SLIT2: variants seen among roughly 807,000 people sequenced by gnomAD.
SLIT2 encodes the protein slit homolog 2 protein.
In SLIT2, 41 loss-of-function variants were observed where a neutral mutation model predicts 185.7. The observed-to-expected ratio is 0.22, with a 90% CI of 0.17 to 0.29. The LOEUF (loss-of-function observed/expected upper bound fraction) is 0.29. Ranked by LOEUF, SLIT2 falls within the 10% of genes least tolerant of loss-of-function variation. SLIT2 has a pLI of 1.00. For missense variants in SLIT2, 1,571 were observed against 1,909.0 expected, an observed-to-expected ratio of 0.82 and a Z score of 3.30; for synonymous variants, 693 against 680.2, an observed-to-expected ratio of 1.02 and a Z score of -0.29.
At chr4:20,340,998 T>G (rs1720920687) in intron 4 of SLIT2, among the ~76,000 whole-genome samples, 1 of 152,060 alleles carries the variant, frequency 6.6e-6, no homozygotes, top group Non-Finnish European at 1.5e-5. Flanking sequence ...CAATTTCAAA[T>G]AGATAGCTAG....
chr4:20,277,268 T>C (rs1468820302), intron 4 of SLIT2, among the ~76,000 whole-genome samples: 2 of 152,188 alleles, frequency 1.3e-5, no homozygotes, highest in Non-Finnish European at 2.9e-5. Context: ...GAGGTTTTAA[T>C]ATCCAAGTTT....
At position 20,472,397 on chromosome 4, in the gene SLIT2, G is replaced by GATATCT. The variant is rs1266399454; in HGVS notation, c.467+4578_467+4579insCTATAT. On this transcript the variant is annotated intron_variant, in intron 5 of 36. Transcript: ENST00000504154. ...ATATCTATATATATGTAGATATATA[G>GATATCT]ATATAGATATCTATATATCTATATA... Among the ~76,000 whole-genome samples the GATATCT allele has an allele frequency of 5.7e-3, 127 of 22,332 alleles. 1 individual carries two copies. Among genetic ancestry groups the GATATCT allele is most frequent in the Middle Eastern group, 0.045 (1 of 22 alleles). 14.7% of individuals were successfully genotyped at this position (22,332 alleles called of 152,430 possible). A position where few individuals can be genotyped will look rare whatever the true frequency, so the allele number is the denominator to read the frequency against.
intron 14 of SLIT2, among the ~76,000 whole-genome samples, chr4:20,524,483 C>T (rs562964141): frequency 7.2e-5 from 11 of 152,274 alleles, no homozygotes; most frequent in African/African-American, 2.6e-4. Context: ...ACTCAGAATA[C>T]CTTTAAAGTA....
At chr4:20,354,480 C>G (rs960506574) in intron 4 of SLIT2, among the ~76,000 whole-genome samples, 1 of 152,160 alleles carries the variant, frequency 6.6e-6, no homozygotes, top group Admixed American at 6.6e-5. Context: ...GCACAAAATT[C>G]TCATCCAACT....
At chr4:20,472,386 G>GAGATATAGATATATATCTATATA (rs1560453735) in intron 5 of SLIT2, among the ~76,000 whole-genome samples, 5 of 38,402 alleles carry the variant, frequency 1.3e-4, no homozygotes, top group Non-Finnish European at 1.9e-4. Context: ...CTATATATAT[G>GAGATATAGATATATATCTATATA]TAGATATATA....
intron 33 of SLIT2, among the ~76,000 whole-genome samples, chr4:20,600,152 A>T (rs1027504881): frequency 4.6e-5 from 7 of 151,306 alleles, no homozygotes; most frequent in Admixed American, 2.0e-4. Flanking sequence ...ATTTTTTTTA[A>T]TTTTTTTTTA....
intron 4 of SLIT2, among the ~76,000 whole-genome samples, chr4:20,394,089 T>G (rs1368623977): frequency 6.6e-6 from 1 of 151,910 alleles, no homozygotes; most frequent in Non-Finnish European, 1.5e-5. Flanking sequence ...TAAAAGAATA[T>G]TTGGTGGCTG....
At chr4:20,447,018 A>T (rs1185234064) in intron 4 of SLIT2, among the ~76,000 whole-genome samples, 3 of 152,198 alleles carry the variant, frequency 2.0e-5, no homozygotes, top group Non-Finnish European at 4.4e-5. Context: ...CTATATGTGG[A>T]TTGTGAGCAG....
Position 20,620,517 on chromosome 4 carries a change from T to A in SLIT2, c.*1508T>A, listed in dbSNP as rs1387510670. On this transcript the variant is annotated 3_prime_UTR_variant, in exon 37 of 37. Coordinates refer to ENST00000504154, the MANE Select transcript of SLIT2 (RefSeq NM_004787.4). ...TGTCTTTCTCCAGATTAATATCGGT[T>A]ACACTGCTGATGTTTGTAAATTAAA... 1 of 417,744 alleles carries A rather than the reference T, an allele frequency of 2.4e-6. No individual in the cohort carries two copies. Among genetic ancestry groups the A allele is most frequent in the Non-Finnish European group, 4.7e-6 (1 of 213,012 alleles). The allele number at this position is 417,744 out of a possible 1,614,324, so 25.9% of individuals were successfully genotyped here. A position where few individuals can be genotyped will look rare whatever the true frequency, so the allele number is the denominator to read the frequency against.
At chr4:20,540,871 G>A (rs1214752421) in intron 19 of SLIT2, among the ~76,000 whole-genome samples, 1 of 152,170 alleles carries the variant, frequency 6.6e-6, no homozygotes, top group Non-Finnish European at 1.5e-5. Context: ...TGCTGAAGTG[G>A]TGAGATGCCA....
intron 4 of SLIT2, among the ~76,000 whole-genome samples, chr4:20,339,638 C>T (rs868758809): frequency 8.5e-5 from 13 of 152,100 alleles, no homozygotes; most frequent in Non-Finnish European, 1.5e-4. Context: ...TTCTAGGTAG[C>T]ACAAGGGATT....
At chr4:20,309,754 CTTTCTTT>C (rs1717912350) in intron 4 of SLIT2, among the ~76,000 whole-genome samples, 1 of 92,760 alleles carries the variant, frequency 1.1e-5, no homozygotes, top group African/African-American at 4.3e-5. Flanking sequence ...TCTAGTCTTT[CTTTCTTT>C]TTTTTTTTTT....
At chr4:20,574,415 T>TA (rs770581763) in intron 29 of SLIT2, among the ~76,000 whole-genome samples, 3 of 152,194 alleles carry the variant, frequency 2.0e-5, no homozygotes, top group Non-Finnish European at 2.9e-5. Context: ...CACAGTGTCC[T>TA]AAAAGGAACA....
chr4:20,488,187 A>G (rs1412614577), intron 7 of SLIT2, among the ~76,000 whole-genome samples: 1 of 152,182 alleles, frequency 6.6e-6, no homozygotes, highest in East Asian at 1.9e-4. Context: ...ACTCCCAGAC[A>G]TTTGTGCCTT....
intron 4 of SLIT2, among the ~76,000 whole-genome samples, chr4:20,286,262 G>C (rs1715255926): frequency 6.6e-6 from 1 of 152,054 alleles, no homozygotes; most frequent in South Asian, 2.1e-4. Context: ...GGTGCTTACA[G>C]GGAGCTTGTT....
intron 27 of SLIT2, 56 bp downstream of exon 27, chr4:20,567,442 C>T (rs748977406): frequency 1.0e-4 from 163 of 1,610,740 alleles, no homozygotes; most frequent in Middle Eastern, 8.3e-4. Context: ...TCTTGGTGTG[C>T]CTTTATTATT....
rs375577935 is a variant in SLIT2, at chr4:20,480,819, C to T, written c.539+32C>T. ...ACTGCTATTTCTCTTGCTCTTTTAACGGGGGCTTTGTGTCTGGACAGGACT... is the reference window on the plus strand; with the variant it reads ...ACTGCTATTTCTCTTGCTCTTTTAATGGGGGCTTTGTGTCTGGACAGGACT... On this transcript the variant is annotated intron_variant, in intron 6 of 36. Transcript: ENST00000504154. The T allele has an allele frequency of 8.8e-5, 134 of 1,528,742 alleles. 1 individual carries two copies. Among genetic ancestry groups the T allele is most frequent in the African/African-American group, 1.8e-4 (13 of 73,198 alleles). 94.7% of individuals were successfully genotyped at this position (1,528,742 alleles called of 1,614,324 possible). A position where few individuals can be genotyped will look rare whatever the true frequency, so the allele number is the denominator to read the frequency against.
At chr4:20,555,326 G>A (rs1195167661) in intron 26 of SLIT2, among the ~76,000 whole-genome samples, 7 of 152,046 alleles carry the variant, frequency 4.6e-5, no homozygotes, top group African/African-American at 1.5e-4. Flanking sequence ...AATGCTGTGC[G>A]GTGGGTTGCA....
intron 4 of SLIT2, among the ~76,000 whole-genome samples, chr4:20,318,270 A>G (rs1303958554): frequency 6.6e-6 from 1 of 152,206 alleles, no homozygotes; most frequent in Non-Finnish European, 1.5e-5. Context: ...TTCTCTGCTA[A>G]TGATAATACT....
Sources: gnomAD v4.1 joint callset for allele counts (sites outside exome capture counted in the v4.1 genomes callset) on GRCh38, gnomAD v4.1.1 for gene constraint, MANE v1.5 for transcripts, NCBI Gene and HGNC (gene_info 2026-07-23, HGNC 2026-07-21) for gene names.